DPP10: variants seen among roughly 807,000 people sequenced by gnomAD.
DPP10 encodes inactive dipeptidyl peptidase 10.
In DPP10, 33 loss-of-function variants were observed where a neutral mutation model predicts 120.9. That is an observed-to-expected ratio of 0.27 (90% CI 0.21 to 0.37). The LOEUF is 0.37. Among genes scored for constraint, DPP10 ranks in the 10% least tolerant of loss-of-function variants. The pLI, the probability that DPP10 is intolerant of heterozygous loss-of-function variation, is 1.00. For synonymous variants in DPP10, 337 were observed against 326.1 expected, an observed-to-expected ratio of 1.03 and a Z score of -0.36; for missense variants, 816 against 942.8, an observed-to-expected ratio of 0.87 and a Z score of 1.76.
intron 2 of DPP10, among the ~76,000 whole-genome samples, chr2:115,327,793 A>C (rs2062454713): frequency 6.6e-6 from 1 of 152,012 alleles, no homozygotes; most frequent in African/African-American, 2.4e-5. Flanking sequence ...GATGTAGTAC[A>C]ATTAATATTT....
At chr2:114,991,442 G>C (rs563461635) in intron 1 of DPP10, among the ~76,000 whole-genome samples, 4 of 152,140 alleles carry the variant, frequency 2.6e-5, no homozygotes, top group African/African-American at 9.7e-5. Context: ...AGACACAAAA[G>C]GGTAATTCTC....
chr2:115,171,739 A>C lies in DPP10; in HGVS notation c.61-137500A>C, dbSNP rs74374694. ...CTTAAAAAAAAAAAACAAAAAAAAAACAAGTTTTAAAATGCTTTGTGTCCA... is the reference window on the plus strand; with the variant it reads ...CTTAAAAAAAAAAAACAAAAAAAAACCAAGTTTTAAAATGCTTTGTGTCCA... On this transcript the variant is annotated intron_variant, in intron 1 of 25. Coordinates refer to ENST00000410059, the MANE Select transcript of DPP10 (RefSeq NM_020868.6). Among the ~76,000 whole-genome samples the C allele has an allele frequency of 5.6e-3, 848 of 152,068 alleles. 2 individuals are homozygous for C. The highest frequency in any genetic ancestry group is 9.1e-3 in the African/African-American group (378 of 41,470).
intron 1 of DPP10, among the ~76,000 whole-genome samples, chr2:114,658,444 T>G (rs566931877): frequency 6.6e-6 from 1 of 152,164 alleles, no homozygotes; most frequent in East Asian, 1.9e-4. Flanking sequence ...AAGTTTTTAT[T>G]ATAGATATTT....
intron 3 of DPP10, among the ~76,000 whole-genome samples, chr2:115,496,994 G>T (rs987278497): frequency 1.3e-5 from 2 of 151,980 alleles, no homozygotes; most frequent in African/African-American, 4.8e-5. Context: ...GAGGTCACAG[G>T]ACTGGTTGAG....
chr2:114,950,214 A>G (rs1574552847), intron 1 of DPP10, among the ~76,000 whole-genome samples: 1 of 152,000 alleles, frequency 6.6e-6, no homozygotes, highest in South Asian at 2.1e-4. Context: ...TCATCTTTAG[A>G]AGCTTTTTTT....
chr2:115,077,355 AC>A (rs1707892247), intron 1 of DPP10, among the ~76,000 whole-genome samples: 1 of 152,202 alleles, frequency 6.6e-6, no homozygotes, highest in South Asian at 2.1e-4. Flanking sequence ...ATGAGAACAC[AC>A]CAGATTCACC....
At chr2:114,518,064 T>C (rs1684748525) in intron 1 of DPP10, among the ~76,000 whole-genome samples, 1 of 144,110 alleles carries the variant, frequency 6.9e-6, no homozygotes, top group Non-Finnish European at 1.5e-5. Flanking sequence ...TAGTATGAGC[T>C]ATTCATTTTT....
At chr2:115,388,729 A>G (rs2067125458) in intron 3 of DPP10, among the ~76,000 whole-genome samples, 2 of 152,198 alleles carry the variant, frequency 1.3e-5, no homozygotes, top group Non-Finnish European at 2.9e-5. Context: ...TGTGCATTTC[A>G]CAGCATCTTG....
At chr2:115,290,080 C>T (rs996726793) in intron 1 of DPP10, among the ~76,000 whole-genome samples, 9 of 151,938 alleles carry the variant, frequency 5.9e-5, no homozygotes, top group Admixed American at 2.6e-4. Context: ...TGGGAGAAAA[C>T]GTTTGCAAAC....
chr2:115,636,177 A>G (rs975474240), intron 5 of DPP10, among the ~76,000 whole-genome samples: 7 of 151,778 alleles, frequency 4.6e-5, no homozygotes, highest in Non-Finnish European at 5.9e-5. Flanking sequence ...AGACAAATCT[A>G]TGATGGTATG....
At chr2:115,348,697 A>G (rs1168219204) in intron 3 of DPP10, among the ~76,000 whole-genome samples, 1 of 152,130 alleles carries the variant, frequency 6.6e-6, no homozygotes, top group Non-Finnish European at 1.5e-5. Flanking sequence ...AACAATTAAA[A>G]TTATCATTTG....
chr2:115,353,827 G>A (rs1021514586), intron 3 of DPP10, among the ~76,000 whole-genome samples: 9 of 152,060 alleles, frequency 5.9e-5, no homozygotes, highest in Non-Finnish European at 1.0e-4. Flanking sequence ...CATGTTTAAT[G>A]TTTGGTGGAA....
chr2:115,760,837 T>G (rs1307441956), intron 11 of DPP10, among the ~76,000 whole-genome samples: 2 of 152,134 alleles, frequency 1.3e-5, no homozygotes, highest in Non-Finnish European at 2.9e-5. Flanking sequence ...TGGCTCATGC[T>G]TGTAATCCCA....
In DPP10 at chr2:115,054,771, C is replaced by T. The variant is rs147283411; in HGVS notation, c.61-254468C>T. On this transcript the variant is annotated intron_variant, in intron 1 of 25. Transcript: ENST00000410059. ...ACTAAAAATACAAAAATTAGCCAGG[C>T]GTGGTGGCACACAGCTTGTAATCCC... is the stretch of plus-strand genomic sequence containing the variant. Among the ~76,000 whole-genome samples, 44 of 152,078 alleles carry T rather than the reference C, an allele frequency of 2.9e-4. No individual in the cohort carries two copies. The East Asian group carries it at 6.8e-3, about 24-fold the overall frequency.
chr2:115,224,693 AATC>A, intron 1 of DPP10, among the ~76,000 whole-genome samples: 1 of 152,356 alleles, frequency 6.6e-6, no homozygotes, highest in Non-Finnish European at 1.5e-5. Flanking sequence ...TACACACAAT[AATC>A]ATGTGAGATA....
chr2:115,279,494 A>T (rs1014308643), intron 1 of DPP10, among the ~76,000 whole-genome samples: 1 of 152,056 alleles, frequency 6.6e-6, no homozygotes, highest in Non-Finnish European at 1.5e-5. Flanking sequence ...AATGCAGTTC[A>T]GTTGACATTT....
chr2:115,371,553 A>C (rs2065412260), intron 3 of DPP10, among the ~76,000 whole-genome samples: 1 of 152,024 alleles, frequency 6.6e-6, no homozygotes, highest in African/African-American at 2.4e-5. Flanking sequence ...TGCCCTTTTC[A>C]ATGTCATTTT....
At chr2:115,051,885 T>C (rs548268076) in intron 1 of DPP10, among the ~76,000 whole-genome samples, 2 of 152,220 alleles carry the variant, frequency 1.3e-5, no homozygotes, top group Non-Finnish European at 2.9e-5. Context: ...TAGCCTGATT[T>C]AACCATCTTA....
chr2:114,956,732 T>C (rs1698231593), intron 1 of DPP10, among the ~76,000 whole-genome samples: 1 of 152,080 alleles, frequency 6.6e-6, no homozygotes, highest in Non-Finnish European at 1.5e-5. Context: ...AGAATAATAC[T>C]GGCATAAAAA....
Sources: gnomAD v4.1 joint callset for allele counts (sites outside exome capture counted in the v4.1 genomes callset) on GRCh38, gnomAD v4.1.1 for gene constraint, MANE v1.5 for transcripts, NCBI Gene and HGNC (gene_info 2026-07-23, HGNC 2026-07-21) for gene names.